The following PARD3 variants were observed in gnomAD, a reference collection of about 807,000 sequenced individuals.
PARD3 encodes par-3 family cell polarity regulator.
A neutral mutation model predicts 155.4 loss-of-function variants in PARD3; 75 were observed. The observed-to-expected ratio is 0.48, with a 90% CI of 0.40 to 0.58. The LOEUF (loss-of-function observed/expected upper bound fraction) is 0.58, where lower values mean the gene tolerates loss of function less well. PARD3 is among the 20% of genes least tolerant of loss of function. PARD3 has a pLI of 0.00. For missense variants in PARD3, 1,642 were observed against 1,721.7 expected (o/e 0.95, Z 0.82); for synonymous variants, 576 against 610.5 (o/e 0.94, Z 0.83).
intron 12 of PARD3, among the ~76,000 whole-genome samples, chr10:34,362,597 G>A (rs949740720): frequency 6.6e-6 from 1 of 152,154 alleles, no homozygotes; most frequent in Non-Finnish European, 1.5e-5. Context: ...CCAGGCTCAG[G>A]TGATCCTCCC....
At chr10:34,798,953 A>G (rs1005842793) in intron 1 of PARD3, among the ~76,000 whole-genome samples, 1 of 152,190 alleles carries the variant, frequency 6.6e-6, no homozygotes, top group African/African-American at 2.4e-5. Context: ...AGCTTTACAG[A>G]AACACCAATC....
chr10:34,482,464 C>A (rs2079146296), intron 3 of PARD3, among the ~76,000 whole-genome samples: 1 of 152,038 alleles, frequency 6.6e-6, no homozygotes, highest in African/African-American at 2.4e-5. Flanking sequence ...AGCCCCTGCC[C>A]CAGGCCTCTG....
intron 20 of PARD3, among the ~76,000 whole-genome samples, chr10:34,295,574 A>G (rs1012582307): frequency 1.3e-5 from 2 of 152,200 alleles, no homozygotes; most frequent in Admixed American, 1.3e-4. Flanking sequence ...GCAATGCTTC[A>G]TCATTGCCTT....
chr10:34,122,891 T>A (rs905891300), intron 23 of PARD3, among the ~76,000 whole-genome samples: 1 of 152,180 alleles, frequency 6.6e-6, no homozygotes, highest in Non-Finnish European at 1.5e-5. Flanking sequence ...AAATAATGTA[T>A]CTGAGTCCAA....
chr10:34,303,161 AATT>A (rs1385654240), intron 20 of PARD3, among the ~76,000 whole-genome samples: 2 of 97,728 alleles, frequency 2.0e-5, no homozygotes, highest in African/African-American at 1.2e-4. Context: ...TGCCCAGGTG[AATT>A]TTTTTTTTTT....
At chr10:34,129,693 CAAGCCTCTT>C (rs1947491493) in intron 23 of PARD3, among the ~76,000 whole-genome samples, 2 of 49,942 alleles carry the variant, frequency 4.0e-5, no homozygotes, top group Non-Finnish European at 1.2e-4. Flanking sequence ...TTTGTAATGT[CAAGCCTCTT>C]TTTTTTTTTT....
At chr10:34,351,666 A>G (rs549117773) in intron 14 of PARD3, among the ~76,000 whole-genome samples, 4 of 152,384 alleles carry the variant, frequency 2.6e-5, no homozygotes, top group Non-Finnish European at 5.9e-5. Flanking sequence ...AAGTCAGCAC[A>G]TGGCAGAACC....
intron 2 of PARD3, among the ~76,000 whole-genome samples, chr10:34,592,594 G>T (rs1392017098): frequency 1.3e-5 from 2 of 152,090 alleles, no homozygotes; most frequent in Admixed American, 1.3e-4. Context: ...TGGCCAACAT[G>T]GTGAAACCCT....
intron 1 of PARD3, among the ~76,000 whole-genome samples, chr10:34,772,252 G>A (rs898403500): frequency 6.6e-6 from 1 of 151,392 alleles, no homozygotes; most frequent in South Asian, 2.1e-4. Flanking sequence ...GTGAAAGCCC[G>A]TCTCTACTAA....
intron 2 of PARD3, among the ~76,000 whole-genome samples, chr10:34,630,617 ATTTTTGTAT>A (rs1011564872): frequency 3.3e-5 from 5 of 151,488 alleles, no homozygotes; most frequent in African/African-American, 1.2e-4. Context: ...TGCCTGGCTA[ATTTTTGTAT>A]TTTTTGTGGA....
intron 20 of PARD3, among the ~76,000 whole-genome samples, chr10:34,316,098 GT>G (rs1439176064): frequency 6.6e-6 from 1 of 152,080 alleles, no homozygotes; most frequent in Non-Finnish European, 1.5e-5. Flanking sequence ...AATGAAAACT[GT>G]TGTTCACATT....
At position 34,401,914 on chromosome 10, in the gene PARD3, C is replaced by T. The variant is rs201544508; in HGVS notation, c.718G>A (p.Glu240Lys). 75 of 1,612,602 alleles carry T rather than the reference C, an allele frequency of 4.7e-5. 2 individuals carry two copies. In the East Asian group the frequency reaches 1.4e-3, roughly 30 times the overall value. The change falls in exon 6 of 25, where the codon GAG becomes AAG. Residue 240 changes from glutamate to lysine, a missense_variant. Glu to Lys is a moderately conservative substitution (Grantham distance 56, BLOSUM62 1). Transcript: ENST00000374788. ...CTGTTATCCTCTTCTGTCCCATCCT[C>T]ATCCTAGAGGCAGCCAACACAAAGA... Reference protein sequence around the residue: ...GKWLEKQEQDEDGTEEDNSRV... With the variant: ...GKWLEKQEQDKDGTEEDNSRV...
intron 23 of PARD3, among the ~76,000 whole-genome samples, chr10:34,130,858 T>C (rs1765171): frequency 0.51 from 77,711 of 151,996 alleles, 20,942 homozygotes; most frequent in Non-Finnish European, 0.6. Flanking sequence ...CCTAGGAATT[T>C]GAGACCAGCC....
intron 2 of PARD3, among the ~76,000 whole-genome samples, chr10:34,631,330 T>C (rs907423743): frequency 1.3e-5 from 2 of 152,114 alleles, no homozygotes; most frequent in Non-Finnish European, 1.5e-5. Context: ...TCAAGGCAAG[T>C]ACATTGATTG....
intron 2 of PARD3, among the ~76,000 whole-genome samples, chr10:34,601,585 A>T (rs1298240760): frequency 2.0e-5 from 3 of 152,154 alleles, no homozygotes. Flanking sequence ...AGAGCGGCCC[A>T]CCCCACAGGT....
intron 18 of PARD3, among the ~76,000 whole-genome samples, chr10:34,332,983 C>T (rs1284257307): frequency 1.3e-5 from 2 of 152,078 alleles, no homozygotes; most frequent in Non-Finnish European, 2.9e-5. Context: ...CATTCCTGGG[C>T]AGGGATATTT....
chr10:34,405,068 TCACAAACACAAACACACA>T (rs1844295664), intron 5 of PARD3, among the ~76,000 whole-genome samples: 2 of 85,782 alleles, frequency 2.3e-5, no homozygotes, highest in Admixed American at 2.7e-4. Context: ...TGAGACCCCA[TCACAAACACAAACACACA>T]CACACACACA....
chr10:34,446,586 T>G (rs1261400229), intron 5 of PARD3, among the ~76,000 whole-genome samples: 1 of 152,230 alleles, frequency 6.6e-6, no homozygotes, highest in African/African-American at 2.4e-5. Context: ...TTAAAAACAT[T>G]TATTTCAAAG....
chr10:34,725,901 C>T (rs1433662528), intron 1 of PARD3, among the ~76,000 whole-genome samples: 2 of 152,136 alleles, frequency 1.3e-5, no homozygotes, highest in Non-Finnish European at 2.9e-5. Context: ...TGAGTGAATG[C>T]GTTTGTGTGT....
Sources: allele counts gnomAD v4.1 joint callset (sites outside exome capture counted in the v4.1 genomes callset), GRCh38; gene constraint gnomAD v4.1.1; transcripts MANE v1.5; gene names NCBI Gene and HGNC (gene_info 2026-07-23, HGNC 2026-07-21).